The following PIF1 variants were observed in gnomAD, a reference collection of about 807,000 sequenced individuals.
PIF1 encodes ATP-dependent DNA helicase PIF1.
In PIF1, 67 loss-of-function variants were observed where a neutral mutation model predicts 62.3. The observed-to-expected ratio is 1.08, with a 90% confidence interval of 0.88 to 1.32. The LOEUF is 1.32. PIF1 is among the 40% of genes most tolerant of loss of function. The pLI is 0.00. For missense variants in PIF1, 886 were observed against 866.1 expected, an observed-to-expected ratio of 1.02 and a Z score of -0.29; for synonymous variants, 364 against 379.5, an observed-to-expected ratio of 0.96 and a Z score of 0.47.
chr15:64,826,663 TATAC>T (rs1464486559), upstream of PIF1, among the ~76,000 whole-genome samples: 20 of 27,338 alleles, frequency 7.3e-4, no homozygotes, highest in African/African-American at 2.6e-3. Flanking sequence ...TATATATATA[TATAC>T]ACACACACAC....
rs377669273 is a variant in PIF1 at position 64,819,969 on chromosome 15, G to T, written c.1211C>A (p.Thr404Asn). ...GGAAGCTGTGGCCTGGAGCTGGCGG[G>T]TCACCTCATCTGAACACCTGTTGGG... ...VRLGRCSDEV[T>N]RQLQATASHK... is the part of the protein sequence containing the mutation. Residue 404 changes from threonine to asparagine, a missense_variant, in exon 8 of 13, where the codon ACC becomes AAC. Physicochemically the swap from Thr to Asn is moderately conservative, Grantham distance 65. Coordinates refer to ENST00000559239, the MANE Select transcript of PIF1 (RefSeq NM_001286496.2). 8.7e-6 allele frequency: 14 copies of T among 1,613,858 alleles called. No individual in the cohort carries two copies. In the African/African-American group the frequency reaches 1.6e-4, roughly 18 times the overall value.
rs1051955767 is a variant in PIF1, at chr15:64,819,826, CAGCCCAG to C, written c.1333+14_1333+20del. On this transcript the variant is annotated intron_variant, in intron 8 of 12. Transcript: ENST00000559239. ...ATAACTCTTCCCAGCTGGTCTTGCC[CAGCCCAG>C]GCTCCCTGCTCACCTGGCAGCTCCT... 10 of 1,610,938 alleles carry C rather than the reference CAGCCCAG, an allele frequency of 6.2e-6. No individual in the cohort carries two copies. In the African/African-American group the frequency reaches 1.2e-4, roughly 19 times the overall value.
chr15:64,823,448 A>C, intron 2 of PIF1: 1 of 202,250 alleles, frequency 4.9e-6, no homozygotes, highest in Non-Finnish European at 9.9e-6. Flanking sequence ...AGGTTTCACC[A>C]TGTTGGCCAG....
chr15:64,824,381 C>A (rs2084338250), intron 1 of PIF1, 27 bp from the exon 2 acceptor site: 4 of 1,230,456 alleles, frequency 3.3e-6, no homozygotes, highest in South Asian at 7.8e-5. Context: ...GCACAGGGGT[C>A]ATGAGGATTC....
At chr15:64,818,374 G>T (rs550536620) in intron 9 of PIF1, 30 bp from the exon 10 acceptor site, 4 of 1,606,386 alleles carry the variant, frequency 2.5e-6, no homozygotes, top group Non-Finnish European at 2.6e-6. Context: ...ATGGACAGCA[G>T]CCCCCCTACC....
rs903529668 is a variant in PIF1, at chr15:64,816,240, G to A, written c.*58C>T. ...ATTCCCTGGGGCCCTGGGCCACTAG[G>A]GAGCAGGAGGACGGGGAGGCCACAG... On this transcript the variant is annotated 3_prime_UTR_variant, in exon 13 of 13. Transcript: ENST00000559239. 1 of 1,609,940 alleles carries A rather than the reference G, an allele frequency of 6.2e-7. No individual in the cohort carries two copies. Among genetic ancestry groups the A allele is most frequent in the Non-Finnish European group, 8.5e-7 (1 of 1,178,610 alleles).
chr15:64,816,419 G>C (rs945195515), intron 12 of PIF1, 62 bp from the exon 13 acceptor site: 1 of 1,609,708 alleles, frequency 6.2e-7, no homozygotes, highest in Admixed American at 1.7e-5. Context: ...CCATAACCTG[G>C]GGGCCAGCAT....
chr15:64,820,027 G>A (rs1420104478), intron 7 of PIF1, 41 bp from the exon 8 acceptor site: 2 of 1,595,298 alleles, frequency 1.3e-6, no homozygotes, highest in East Asian at 2.2e-5. Flanking sequence ...CACCTGTGCA[G>A]CAGGGGAGGT....
chr15:64,821,136 A>C (rs765676183), intron 6 of PIF1, 31 bp downstream of exon 6: 7 of 1,613,202 alleles, frequency 4.3e-6, no homozygotes, highest in South Asian at 1.1e-5. Flanking sequence ...GCAGACCCCC[A>C]AGGAGAGCAG....
In PIF1 at chr15:64,823,979, T is replaced by C. The variant is rs1457027293; in HGVS notation, c.357A>G (p.Thr119=). 1.5e-6 allele frequency: 2 copies of C among 1,299,780 alleles called. No homozygotes were observed. The highest frequency in any genetic ancestry group is 2.0e-6 in the Non-Finnish European group (2 of 1,023,180). 80.5% of individuals were successfully genotyped at this position (1,299,780 alleles called of 1,614,324 possible). A position where few individuals can be genotyped will look rare whatever the true frequency, so the allele number is the denominator to read the frequency against. The change falls in exon 2 of 13, where the codon ACA becomes ACG. Residue 119 remains threonine (T), a synonymous_variant. Coordinates refer to ENST00000559239, the MANE Select transcript of PIF1 (RefSeq NM_001286496.2). ...PPDRLRRFLR[T]LRLKLAAAPG... ...GGGCCGCAGCCAGCTTGAGGCGCAA[T>C]GTGCGCAGGAAGCGGCGCAGGCGGT... is the stretch of plus-strand genomic sequence containing the variant.
intron 1 of PIF1, 44 bp from the exon 2 acceptor site, chr15:64,824,398 C>A (rs938097765): frequency 8.3e-7 from 1 of 1,204,444 alleles, no homozygotes. Context: ...ATTCATGAGA[C>A]GTAATGGGTG....
chr15:64,818,752 CT>C, intron 9 of PIF1: 1 of 299,956 alleles, frequency 3.3e-6, no homozygotes, highest in Non-Finnish European at 6.2e-6. Flanking sequence ...GGAAAATCTT[CT>C]GCCCACCCCC....
At chr15:64,825,537 C>A (rs2084356885) in intron 1 of PIF1, 32 bp downstream of exon 1, 1 of 152,152 alleles carries the variant, frequency 6.6e-6, no homozygotes, top group Admixed American at 6.6e-5. Flanking sequence ...CCGCCGGAAA[C>A]CCCTAGATAA....
At chr15:64,822,124 C>T (rs1458494522) in intron 4 of PIF1, 142 bp downstream of exon 4, 10 of 1,073,128 alleles carry the variant, frequency 9.3e-6, no homozygotes, top group African/African-American at 1.6e-5. Flanking sequence ...ATCCTCCCAC[C>T]TTGGCCTCCT....
chr15:64,826,624 T>TTATATATATATATATATATA (rs764170884), upstream of PIF1, among the ~76,000 whole-genome samples: 22 of 36,044 alleles, frequency 6.1e-4, no homozygotes, highest in Non-Finnish European at 8.5e-4. Flanking sequence ...CCCAGCTAAT[T>TTATATATATATATATATATA]TATATATATA....
Position 64,815,916 on chromosome 15 carries a change from G to A in PIF1, c.*382C>T. 6.4e-7 allele frequency: 1 copy of A among 1,550,490 alleles called. No homozygotes were observed. The highest frequency in any genetic ancestry group is 8.7e-7 in the Non-Finnish European group (1 of 1,146,954). On this transcript the variant is annotated 3_prime_UTR_variant, in exon 13 of 13. Coordinates refer to ENST00000559239, the MANE Select transcript of PIF1 (RefSeq NM_001286496.2). ...CAAGAGCCCTGATGCTGCTTCCGGAGCACCTGTCTTCATTGCCTCTCCCTT... is the reference window on the plus strand; with the variant it reads ...CAAGAGCCCTGATGCTGCTTCCGGAACACCTGTCTTCATTGCCTCTCCCTT...
In PIF1 at chr15:64,818,078, C is replaced by T. The variant is rs577010109; in HGVS notation, c.1542G>A (p.Val514=). ...FEAEGRGLPQ[V]RFLCGVTEVI... The stretch of plus-strand genomic sequence containing the variant: ...CCTCAGTGACTCCACACAGGAACCG[C>T]ACCTGGGGTAGCCCTAAGGAGAGCA... Residue 514 remains valine, a synonymous_variant, in exon 11 of 13, where the codon GTG becomes GTA. Transcript: ENST00000559239. 83 of 1,613,966 alleles carry T rather than the reference C, an allele frequency of 5.1e-5. 1 individual carries two copies. The East Asian group carries it at 1.7e-3, about 32-fold the overall frequency.
rs1366573959 is a variant in PIF1, at chr15:64,816,767, TGG to T, written c.1675-4_1675-3del. The stretch of plus-strand genomic sequence containing the variant: ...CTCCACACAATCCAGGGTCATGCCC[TGG>T]GGGATGCAGGGACAGAGATGGAGTC... On this transcript the variant is annotated splice_polypyrimidine_tract_variant and splice_region_variant and intron_variant, in intron 11 of 12. Transcript: ENST00000559239. 1 of 1,580,010 alleles carries T rather than the reference TGG, an allele frequency of 6.3e-7. No homozygotes were observed. The highest frequency in any genetic ancestry group is 2.3e-5 in the East Asian group (1 of 44,406).
chr15:64,815,991 C>A lies in PIF1; in HGVS notation c.*307G>T. 6.6e-7 allele frequency: 1 copy of A among 1,511,570 alleles called. No individual in the cohort carries two copies. Among genetic ancestry groups the A allele is most frequent in the South Asian group, 1.3e-5 (1 of 78,468 alleles). 93.6% of individuals were successfully genotyped at this position (1,511,570 alleles called of 1,614,324 possible). On this transcript the variant is annotated 3_prime_UTR_variant, in exon 13 of 13. Transcript: ENST00000559239. ...CAGGACTCTGCAGCTCTGTGTCCAGCCCTTGCAGAGAGCTTTGTCCTCTGA... is the reference window on the plus strand; with the variant it reads ...CAGGACTCTGCAGCTCTGTGTCCAGACCTTGCAGAGAGCTTTGTCCTCTGA...
Sources: allele counts gnomAD v4.1 joint callset (sites outside exome capture counted in the v4.1 genomes callset), GRCh38; gene constraint gnomAD v4.1.1; transcripts MANE v1.5; gene names NCBI Gene and HGNC (gene_info 2026-07-23, HGNC 2026-07-21).